RASSF8: variants seen among roughly 807,000 people sequenced by gnomAD.
RASSF8 encodes the protein ras association domain-containing protein 8.
A neutral mutation model predicts 48.5 loss-of-function variants in RASSF8; 22 were observed. The ratio of observed to expected loss-of-function variants is 0.45; its 90% CI spans 0.32 to 0.65. The LOEUF (loss-of-function observed/expected upper bound fraction) is 0.65. RASSF8 is among the 30% of genes least tolerant of loss of function. RASSF8 has a pLI of 0.03. For synonymous variants in RASSF8, 127 were observed against 171.5 expected, an observed-to-expected ratio of 0.74 and a Z score of 2.03; for missense variants, 418 against 489.2, an observed-to-expected ratio of 0.85 and a Z score of 1.37.
At chr12:26,073,845 C>T (rs1380821510), downstream of RASSF8, among the ~76,000 whole-genome samples, 109 of 134,422 alleles carry the variant, frequency 8.1e-4, 1 homozygote, top group East Asian at 0.023. Flanking sequence ...CACACACACA[C>T]ACACATATAT....
intron 1 of RASSF8, among the ~76,000 whole-genome samples, chr12:25,972,085 A>T (rs1592218604): frequency 6.6e-6 from 1 of 152,214 alleles, no homozygotes; most frequent in South Asian, 2.1e-4. Flanking sequence ...ACCATGCCAA[A>T]CTGCCGGTAG....
At chr12:25,958,681 C>T (rs952693680), upstream of RASSF8, 5 of 146,468 alleles carry the variant, frequency 3.4e-5, no homozygotes, top group African/African-American at 9.8e-5. Context: ...GCCCCCAGCC[C>T]AGAGGCACCG....
intron 1 of RASSF8, among the ~76,000 whole-genome samples, chr12:25,966,276 AG>A (rs1386903875): frequency 6.6e-6 from 1 of 152,204 alleles, no homozygotes; most frequent in Non-Finnish European, 1.5e-5. Context: ...TTTTAAAGAC[AG>A]GGTCTTGCTC....
At chr12:26,019,280 A>G (rs1942728328) in intron 2 of RASSF8, among the ~76,000 whole-genome samples, 1 of 152,206 alleles carries the variant, frequency 6.6e-6, no homozygotes, top group South Asian at 2.1e-4. Flanking sequence ...ATATGACTAT[A>G]AAAAATAATA....
chr12:25,982,181 G>T (rs1168786418), intron 1 of RASSF8, among the ~76,000 whole-genome samples: 1 of 152,156 alleles, frequency 6.6e-6, no homozygotes, highest in Admixed American at 6.5e-5. Context: ...AATCAAGTTT[G>T]TGAATGAAAA....
chr12:26,057,046 AAAGTC>A (rs1265222315), intron 3 of RASSF8, among the ~76,000 whole-genome samples: 1 of 152,082 alleles, frequency 6.6e-6, no homozygotes, highest in East Asian at 1.9e-4. Flanking sequence ...AGTTTTTACA[AAAGTC>A]AAGGTAGTTG....
rs118105475 is a variant in RASSF8 at position 26,009,816 on chromosome 12, A to G, written c.-109+14686A>G. On this transcript the variant is annotated intron_variant, in intron 2 of 5. Coordinates refer to ENST00000689635, the MANE Select transcript of RASSF8 (RefSeq NM_001394098.1). ...TTGGTTAGATGGTAGGGGCAAAAGC[A>G]TGGCAGGAATGAGCTTGATAGAGAA... Among the ~76,000 whole-genome samples, 202 of 152,332 alleles carry G rather than the reference A, an allele frequency of 1.3e-3. No individual in the cohort carries two copies. The Middle Eastern group carries it at 0.024, about 18-fold the overall frequency.
chr12:25,964,289 GT>G (rs201799456), intron 1 of RASSF8, among the ~76,000 whole-genome samples: 20,177 of 138,744 alleles, frequency 0.15, 1,499 homozygotes, highest in African/African-American at 0.23. Flanking sequence ...CTTAGCAAGT[GT>G]TTTTTTTTTT....
chr12:26,073,094 C>A (rs938023214), downstream of RASSF8, among the ~76,000 whole-genome samples: 29 of 152,292 alleles, frequency 1.9e-4, no homozygotes, highest in African/African-American at 6.7e-4. Flanking sequence ...GAAATGATAT[C>A]TTAATGAATC....
chr12:26,055,380 ATTGT>A lies in RASSF8; in HGVS notation c.42_45del (p.Cys15GlufsTer13). ...AGTATGGGTGGATGGAGTTCAGAGG[ATTGT>A]TTGTGGAGTCACTGAAGTCACAACT... On this transcript the variant is annotated frameshift_variant, in exon 3 of 6. Coordinates refer to ENST00000689635, the MANE Select transcript of RASSF8 (RefSeq NM_001394098.1). LOFTEE classifies it high-confidence loss of function. 1 of 1,614,074 alleles carries A rather than the reference ATTGT, an allele frequency of 6.2e-7. No individual in the cohort carries two copies. Among genetic ancestry groups the A allele is most frequent in the Non-Finnish European group, 8.5e-7 (1 of 1,179,966 alleles).
At chr12:26,051,240 T>G (rs1338053651) in intron 2 of RASSF8, among the ~76,000 whole-genome samples, 1 of 152,236 alleles carries the variant, frequency 6.6e-6, no homozygotes, top group Admixed American at 6.5e-5. Flanking sequence ...GTGCCTAACA[T>G]GTAATAAGTA....
intron 2 of RASSF8, among the ~76,000 whole-genome samples, chr12:26,005,310 T>C (rs1223221802): frequency 6.6e-6 from 1 of 152,144 alleles, no homozygotes; most frequent in Non-Finnish European, 1.5e-5. Context: ...GGTGACCATT[T>C]ATTATTGGTT....
intron 1 of RASSF8, among the ~76,000 whole-genome samples, chr12:25,984,647 A>G (rs7315080): frequency 0.039 from 5,933 of 152,208 alleles, 147 homozygotes; most frequent in African/African-American, 0.066. Context: ...AGCCTAAACT[A>G]TTTTTTAAAA....
downstream of RASSF8, among the ~76,000 whole-genome samples, chr12:26,075,793 C>T (rs575286880): frequency 6.6e-6 from 1 of 152,266 alleles, no homozygotes; most frequent in Admixed American, 6.5e-5. Flanking sequence ...CAATCAGCAA[C>T]AGTCACCACA....
intron 2 of RASSF8, among the ~76,000 whole-genome samples, chr12:26,009,721 A>T (rs1482515711): frequency 6.6e-6 from 1 of 152,200 alleles, no homozygotes; most frequent in Non-Finnish European, 1.5e-5. Flanking sequence ...GTAGATCAGG[A>T]GGAAGGAGTG....
At chr12:25,978,196 A>G (rs1941654836) in intron 1 of RASSF8, among the ~76,000 whole-genome samples, 1 of 152,222 alleles carries the variant, frequency 6.6e-6, no homozygotes, top group South Asian at 2.1e-4. Context: ...AGTATGTAGA[A>G]GCTTCTGAGA....
intron 2 of RASSF8, chr12:26,052,662 T>A (rs1420742255): frequency 6.6e-6 from 1 of 152,114 alleles, no homozygotes; most frequent in African/African-American, 2.4e-5. Flanking sequence ...ACTGTTGGAG[T>A]TGATATAAAG....
At chr12:26,033,132 A>G (rs1943063533) in intron 2 of RASSF8, among the ~76,000 whole-genome samples, 1 of 152,220 alleles carries the variant, frequency 6.6e-6, no homozygotes, top group Non-Finnish European at 1.5e-5. Context: ...AAATGTTGCT[A>G]AATGGTTCAG....
chr12:26,000,345 A>T (rs1350861196), intron 2 of RASSF8, among the ~76,000 whole-genome samples: 1 of 152,204 alleles, frequency 6.6e-6, no homozygotes, highest in African/African-American at 2.4e-5. Context: ...ACTAAAACAT[A>T]GAAGCAAATG....
Sources: allele counts gnomAD v4.1 joint callset (sites outside exome capture counted in the v4.1 genomes callset), GRCh38; gene constraint gnomAD v4.1.1; transcripts MANE v1.5; gene names NCBI Gene and HGNC (gene_info 2026-07-23, HGNC 2026-07-21).